PRKAG2: variants seen among roughly 807,000 people sequenced by gnomAD.
PRKAG2 encodes the protein 5'-AMP-activated protein kinase subunit gamma-2.
PRKAG2 carries 26 observed loss-of-function variants against 69.6 expected under a neutral mutation model. The ratio of observed to expected loss-of-function variants is 0.37; its 90% CI spans 0.27 to 0.52. The LOEUF (loss-of-function observed/expected upper bound fraction) is 0.52. PRKAG2 is among the 20% of genes least tolerant of loss of function. The pLI is 0.90. For missense variants in PRKAG2, 557 were observed against 740.0 expected (o/e 0.75, Z 2.87); for synonymous variants, 293 against 285.0 (o/e 1.03, Z -0.28).
At chr7:151,561,922 G>T (rs1805061626) in intron 14 of PRKAG2, among the ~76,000 whole-genome samples, 1 of 130,152 alleles carries the variant, frequency 7.7e-6, no homozygotes, top group Admixed American at 8.3e-5. Flanking sequence ...GACAGAGCGA[G>T]ACTGTGTCTT....
At chr7:151,690,030 G>A (rs892266451) in intron 3 of PRKAG2, among the ~76,000 whole-genome samples, 1 of 152,190 alleles carries the variant, frequency 6.6e-6, no homozygotes, top group Non-Finnish European at 1.5e-5. Context: ...TAAGCGTCTC[G>A]TGGTGGAAAC....
chr7:151,647,638 T>G (rs1287334274), intron 4 of PRKAG2, among the ~76,000 whole-genome samples: 1 of 152,190 alleles, frequency 6.6e-6, no homozygotes, highest in African/African-American at 2.4e-5. Context: ...CAGGATGTGC[T>G]GATGGTCTTT....
chr7:151,729,925 C>T (rs560330968), intron 3 of PRKAG2, among the ~76,000 whole-genome samples: 14 of 152,320 alleles, frequency 9.2e-5, no homozygotes, highest in East Asian at 3.9e-4. Flanking sequence ...ACAAGGCAGA[C>T]GCAAAAGGAC....
intron 4 of PRKAG2, among the ~76,000 whole-genome samples, chr7:151,641,563 AAG>A (rs1826705277): frequency 1.4e-5 from 2 of 146,240 alleles, no homozygotes; most frequent in South Asian, 4.3e-4. Context: ...TTTCTTTTTT[AAG>A]AGACTGGGTC....
intron 3 of PRKAG2, among the ~76,000 whole-genome samples, chr7:151,711,098 C>T (rs746465529): frequency 6.0e-5 from 9 of 150,774 alleles, no homozygotes; most frequent in Admixed American, 2.6e-4. Context: ...CCTAGAGTAT[C>T]AACAGTACTA....
chr7:151,584,473 AG>A (rs962100641), intron 6 of PRKAG2, among the ~76,000 whole-genome samples: 2 of 152,146 alleles, frequency 1.3e-5, no homozygotes, highest in East Asian at 3.9e-4. Context: ...TAGAAGGGTT[AG>A]GAAAAAAAAA....
chr7:151,799,666 C>T (rs757755332), intron 1 of PRKAG2, among the ~76,000 whole-genome samples: 11 of 152,222 alleles, frequency 7.2e-5, no homozygotes, highest in African/African-American at 1.9e-4. Context: ...TCCAGACTGA[C>T]GGGCGCGGAC....
chr7:151,618,896 T>C (rs1008204825), intron 5 of PRKAG2, among the ~76,000 whole-genome samples: 1 of 152,240 alleles, frequency 6.6e-6, no homozygotes, highest in Admixed American at 6.5e-5. Context: ...ATGAAGTCTG[T>C]TACTTTTTTT....
At chr7:151,561,878 A>G (rs9942591) in intron 14 of PRKAG2, among the ~76,000 whole-genome samples, 15,372 of 148,058 alleles carry the variant, frequency 0.1, 2,093 homozygotes, top group African/African-American at 0.32. Context: ...GGTTGCAGTG[A>G]GCTGAGATCG....
intron 4 of PRKAG2, among the ~76,000 whole-genome samples, chr7:151,634,957 CTTTTTTTTTTG>C (rs1396229643): frequency 1.0e-5 from 1 of 97,722 alleles, no homozygotes; most frequent in Non-Finnish European, 2.2e-5. Flanking sequence ...TTTTTTTTTT[CTTTTTTTTTTG>C]AGACAGGGTC....
chr7:151,842,103 G>GGAT (rs1362777293), intron 1 of PRKAG2, among the ~76,000 whole-genome samples: 2 of 143,122 alleles, frequency 1.4e-5, no homozygotes, highest in African/African-American at 5.2e-5. Flanking sequence ...TGGTAGGTAG[G>GGAT]GATGGTAGTG....
chr7:151,747,776 T>C (rs1440238448), intron 3 of PRKAG2, among the ~76,000 whole-genome samples: 1 of 152,182 alleles, frequency 6.6e-6, no homozygotes, highest in African/African-American at 2.4e-5. Flanking sequence ...TTGTTCACTC[T>C]TTCAGATTGG....
intron 1 of PRKAG2, among the ~76,000 whole-genome samples, chr7:151,851,455 T>C (rs910379159): frequency 6.6e-6 from 1 of 152,124 alleles, no homozygotes; most frequent in African/African-American, 2.4e-5. Context: ...CAACAGCTAC[T>C]CCTGGCTGGC....
At chr7:151,628,173 C>T (rs12535806) in intron 5 of PRKAG2, among the ~76,000 whole-genome samples, 19,062 of 152,164 alleles carry the variant, frequency 0.13, 1,378 homozygotes, top group African/African-American at 0.17. Context: ...GAATGCGGAC[C>T]GCTCTAAAGA....
chr7:151,851,960 G>C (rs1252626051), intron 1 of PRKAG2, among the ~76,000 whole-genome samples: 1 of 152,172 alleles, frequency 6.6e-6, no homozygotes, highest in Non-Finnish European at 1.5e-5. Context: ...GGAGGGCAGG[G>C]GGCAGTGAGG....
intron 3 of PRKAG2, among the ~76,000 whole-genome samples, chr7:151,692,977 C>T (rs1296480773): frequency 4.6e-5 from 7 of 152,180 alleles, no homozygotes. Flanking sequence ...TGTGCTCACA[C>T]AGCCTGTACC....
intron 6 of PRKAG2, among the ~76,000 whole-genome samples, chr7:151,582,375 C>T (rs1300089007): frequency 2.0e-5 from 3 of 152,082 alleles, no homozygotes; most frequent in Non-Finnish European, 4.4e-5. Context: ...CTGGTTTGAA[C>T]TCCTGAACTC....
intron 3 of PRKAG2, among the ~76,000 whole-genome samples, chr7:151,693,265 G>A (rs766379469): frequency 1.6e-4 from 24 of 152,276 alleles, no homozygotes; most frequent in Non-Finnish European, 2.2e-4. Flanking sequence ...CCTGAGACCC[G>A]CAGCACAGGA....
At chr7:151,782,388 G>A (rs12703156) in intron 2 of PRKAG2, among the ~76,000 whole-genome samples, 13,359 of 55,366 alleles carry the variant, frequency 0.24, 1,425 homozygotes, top group East Asian at 0.4. Flanking sequence ...AAAGAAGGAA[G>A]GAAGGAAGGA....
Sources: allele counts gnomAD v4.1 joint callset (sites outside exome capture counted in the v4.1 genomes callset), GRCh38; gene constraint gnomAD v4.1.1; transcripts MANE v1.5; gene names NCBI Gene and HGNC (gene_info 2026-07-23, HGNC 2026-07-21).